AFAP1L2: variants seen among roughly 807,000 people sequenced by gnomAD.
AFAP1L2 encodes the protein actin filament associated protein 1 like 2.
AFAP1L2 carries 46 observed loss-of-function variants against 99.3 expected under a neutral mutation model. The ratio of observed to expected loss-of-function variants is 0.46; its 90% CI spans 0.37 to 0.59. The LOEUF (loss-of-function observed/expected upper bound fraction) is 0.59, where lower values mean the gene tolerates loss of function less well. Among genes scored for constraint, AFAP1L2 ranks in the 20% least tolerant of loss-of-function variants. AFAP1L2 has a pLI of 0.00. For synonymous variants in AFAP1L2, 397 were observed against 419.1 expected, an observed-to-expected ratio of 0.95 and a Z score of 0.64; for missense variants, 959 against 1,034.9, an observed-to-expected ratio of 0.93 and a Z score of 1.01.
chr10:114,313,060 G>A (rs1590058764), intron 7 of AFAP1L2, among the ~76,000 whole-genome samples: 1 of 152,036 alleles, frequency 6.6e-6, no homozygotes, highest in Non-Finnish European at 1.5e-5. Flanking sequence ...AGGTGGAGTG[G>A]GGTGGGGTGC....
intron 13 of AFAP1L2, 87 bp downstream of exon 13, chr10:114,301,267 A>G (rs928972293): frequency 4.5e-6 from 5 of 1,107,488 alleles, no homozygotes; most frequent in Admixed American, 1.9e-5. Context: ...TCTCAGGGAT[A>G]CTCTAATGAT....
intron 9 of AFAP1L2, 128 bp from the exon 10 acceptor site, chr10:114,308,037 C>T: frequency 4.1e-6 from 3 of 729,896 alleles, no homozygotes; most frequent in Non-Finnish European, 7.2e-6. Flanking sequence ...TATGCGCGCA[C>T]ATATGCACGC....
chr10:114,284,994 G>C, the AFAP1L2 span: 2 of 1,543,216 alleles, frequency 1.3e-6, no homozygotes, highest in Non-Finnish European at 1.7e-6. Context: ...GGCCCTGCAA[G>C]ACTGACCACT....
intron 1 of AFAP1L2, among the ~76,000 whole-genome samples, chr10:114,365,733 T>TC (rs34461866): frequency 0.43 from 63,662 of 149,782 alleles, 16,444 homozygotes; most frequent in East Asian, 0.65. Context: ...CTTTTTTTTT[T>TC]TTTTTCTTCT....
In AFAP1L2 at chr10:114,308,428, G is replaced by A. The variant is rs2042743915; in HGVS notation, c.967+5C>T. ...ACCATTCCCCTCCCAACCACATGAT[G>A]TTACCGTCTTTGGTTTCTGGGACCT... is the stretch of plus-strand genomic sequence containing the variant. On this transcript the variant is annotated splice_donor_5th_base_variant and intron_variant, in intron 9 of 18. Coordinates refer to ENST00000304129, the MANE Select transcript of AFAP1L2 (RefSeq NM_001001936.3). 2.5e-6 allele frequency: 4 copies of A among 1,613,032 alleles called. No homozygotes were observed. The South Asian group carries it at 4.4e-5, about 18-fold the overall frequency.
At chr10:114,376,195 G>C (rs2054774386) in intron 1 of AFAP1L2, among the ~76,000 whole-genome samples, 1 of 152,166 alleles carries the variant, frequency 6.6e-6, no homozygotes, top group African/African-American at 2.4e-5. Context: ...ATCTTCCAGG[G>C]GAAGAAATAT....
chr10:114,343,488 G>C (rs908113674), intron 1 of AFAP1L2, among the ~76,000 whole-genome samples: 3 of 152,138 alleles, frequency 2.0e-5, no homozygotes, highest in African/African-American at 7.2e-5. Context: ...CTGCTCCTTT[G>C]TCTCCCTGGC....
At chr10:114,345,940 G>A (rs1227925076) in intron 1 of AFAP1L2, among the ~76,000 whole-genome samples, 1 of 145,628 alleles carries the variant, frequency 6.9e-6, no homozygotes, top group African/African-American at 2.6e-5. Flanking sequence ...GTAGGCACTG[G>A]GTGGTGGAGA....
rs1451844732 is a variant in AFAP1L2 at position 114,340,316 on chromosome 10, C to T, written c.145+287G>A. Among the ~76,000 whole-genome samples, 3 of 152,058 alleles carry T rather than the reference C, an allele frequency of 2.0e-5. No homozygotes were observed. The East Asian group carries it at 5.8e-4, about 29-fold the overall frequency. On this transcript the variant is annotated intron_variant, in intron 2 of 18. Transcript: ENST00000304129. ...GACTGGGTGACAGAGTGAGCCCCTG[C>T]TTCAAAAAAGTTAATTAAAAGAAGA...
At chr10:114,296,264 G>T (rs938306172) in intron 18 of AFAP1L2, 196 bp from the exon 19 acceptor site, 2 of 671,818 alleles carry the variant, frequency 3.0e-6, no homozygotes, top group Admixed American at 5.3e-5. Context: ...TGGCACAACA[G>T]CGAGTGCCTA....
At chr10:114,308,331 G>A (rs1396479602) in intron 9 of AFAP1L2, 102 bp downstream of exon 9, 3 of 974,290 alleles carry the variant, frequency 3.1e-6, no homozygotes, top group African/African-American at 3.2e-5. Flanking sequence ...TTATTAATAG[G>A]GGGCCATGTT....
At chr10:114,397,541 A>G (rs1209439622) in intron 1 of AFAP1L2, among the ~76,000 whole-genome samples, 1 of 152,132 alleles carries the variant, frequency 6.6e-6, no homozygotes, top group African/African-American at 2.4e-5. Flanking sequence ...AACTTTTACT[A>G]AAGCTTAGGT....
chr10:114,347,807 T>C (rs545706825), intron 1 of AFAP1L2, among the ~76,000 whole-genome samples: 1 of 152,316 alleles, frequency 6.6e-6, no homozygotes, highest in East Asian at 1.9e-4. Context: ...CTTCTTTTTT[T>C]TTGTGATGGT....
chr10:114,282,921 G>T, the AFAP1L2 span, among the ~76,000 whole-genome samples: 1 of 152,194 alleles, frequency 6.6e-6, no homozygotes, highest in Non-Finnish European at 1.5e-5. Flanking sequence ...AAACATAGTG[G>T]TTTGTCCGAT....
intron 1 of AFAP1L2, among the ~76,000 whole-genome samples, chr10:114,362,275 T>A (rs1377554920): frequency 6.6e-6 from 1 of 152,218 alleles, no homozygotes; most frequent in Non-Finnish European, 1.5e-5. Context: ...AAAAAAGATA[T>A]GTCTAAGTCC....
chr10:114,330,534 G>C (rs1319147159), intron 4 of AFAP1L2, among the ~76,000 whole-genome samples: 1 of 152,190 alleles, frequency 6.6e-6, no homozygotes, highest in African/African-American at 2.4e-5. Flanking sequence ...TACTAGCACA[G>C]TATGCCACAC....
rs111988528 is a variant in AFAP1L2 at position 114,321,707 on chromosome 10, G to T, written c.406+1464C>A. On this transcript the variant is annotated intron_variant, in intron 5 of 18. Transcript: ENST00000304129. ...AGAAGGGGAGGACCACAGTCCAGCT[G>T]CCACAGAGACGAGGGTCACAACCAC... Among the ~76,000 whole-genome samples, 665 of 152,342 alleles carry T rather than the reference G, an allele frequency of 4.4e-3. 4 individuals are homozygous for T. Among genetic ancestry groups the T allele is most frequent in the African/African-American group, 0.013 (544 of 41,580 alleles).
intron 10 of AFAP1L2, 65 bp downstream of exon 10, chr10:114,307,740 C>A: frequency 5.0e-6 from 7 of 1,399,136 alleles, no homozygotes; most frequent in Non-Finnish European, 7.1e-6. Flanking sequence ...TGTCTGAGCT[C>A]GCCTTCCTGC....
At chr10:114,396,371 A>C (rs1168493684) in intron 1 of AFAP1L2, among the ~76,000 whole-genome samples, 1 of 152,248 alleles carries the variant, frequency 6.6e-6, no homozygotes, top group Non-Finnish European at 1.5e-5. Flanking sequence ...ACCCAGAGTG[A>C]TACTTCTTCC....
Sources: allele counts gnomAD v4.1 joint callset (sites outside exome capture counted in the v4.1 genomes callset), GRCh38; gene constraint gnomAD v4.1.1; transcripts MANE v1.5; gene names NCBI Gene and HGNC (gene_info 2026-07-23, HGNC 2026-07-21).